SHB: variants seen among roughly 807,000 people sequenced by gnomAD.
SHB encodes SH2 domain containing adaptor protein B.
Under a neutral mutation model 52.3 loss-of-function variants are expected in SHB, and 20 were observed. The observed-to-expected ratio is 0.38, with a 90% confidence interval of 0.27 to 0.56. The LOEUF is 0.56. Among genes scored for constraint, SHB ranks in the 20% least tolerant of loss-of-function variants. The pLI is 0.71. For missense variants in SHB, 825 were observed against 723.3 expected, an observed-to-expected ratio of 1.14 and a Z score of -1.61; for synonymous variants, 397 against 316.5, an observed-to-expected ratio of 1.25 and a Z score of -2.70.
At chr9:37,949,250 G>A (rs759482394) in intron 4 of SHB, among the ~76,000 whole-genome samples, 12 of 151,912 alleles carry the variant, frequency 7.9e-5, no homozygotes, top group South Asian at 2.1e-4. Flanking sequence ...AAAATTAGCC[G>A]GGCGTGGTGG....
chr9:37,984,863 G>A (rs1246214029), intron 2 of SHB, among the ~76,000 whole-genome samples: 1 of 152,140 alleles, frequency 6.6e-6, no homozygotes, highest in East Asian at 1.9e-4. Context: ...GAATTCAGGG[G>A]TCCCTCAGAG....
At chr9:38,038,690 A>C (rs1260944226) in intron 1 of SHB, among the ~76,000 whole-genome samples, 1 of 152,174 alleles carries the variant, frequency 6.6e-6, no homozygotes, top group Non-Finnish European at 1.5e-5. Context: ...CCCAGGACAC[A>C]GGGATGCAGC....
At chr9:38,034,652 C>T (rs1011008940) in intron 1 of SHB, among the ~76,000 whole-genome samples, 2 of 152,242 alleles carry the variant, frequency 1.3e-5, no homozygotes, top group East Asian at 1.9e-4. Flanking sequence ...ATGCCCCCAA[C>T]AGATACCCCT....
intron 2 of SHB, among the ~76,000 whole-genome samples, chr9:37,991,913 C>A (rs931769007): frequency 1.3e-5 from 2 of 152,182 alleles, no homozygotes; most frequent in African/African-American, 4.8e-5. Flanking sequence ...ACAGGCAGCA[C>A]CACGACAGGT....
chr9:37,986,437 G>C (rs1389782243), intron 2 of SHB, among the ~76,000 whole-genome samples: 3 of 152,156 alleles, frequency 2.0e-5, no homozygotes, highest in Non-Finnish European at 4.4e-5. Context: ...TGGGATGCCA[G>C]GACTAGGGGT....
At position 37,916,028 on chromosome 9, in the gene SHB, T is replaced by C. The variant is rs1284756209; in HGVS notation, c.*3793A>G. Among the ~76,000 whole-genome samples the C allele has an allele frequency of 1.3e-5, 2 of 152,216 alleles. No homozygotes were observed. The highest frequency in any genetic ancestry group is 2.9e-5 in the Non-Finnish European group (2 of 68,036). On this transcript the variant is annotated 3_prime_UTR_variant, in exon 6 of 6. Coordinates refer to ENST00000377707, the MANE Select transcript of SHB (RefSeq NM_003028.3). ...GCTGGTTTAAGGCTCCTGGCAGGGA[T>C]GCAAACAGCCCCAAGGAGGGAGGTG...
intron 1 of SHB, among the ~76,000 whole-genome samples, chr9:38,064,300 T>C (rs1199441365): frequency 1.3e-5 from 2 of 152,180 alleles, no homozygotes; most frequent in African/African-American, 4.8e-5. Context: ...ATCCCTTCCC[T>C]GGCTCAACAA....
intron 3 of SHB, among the ~76,000 whole-genome samples, chr9:37,956,357 G>C (rs1587211221): frequency 6.6e-6 from 1 of 152,190 alleles, no homozygotes; most frequent in South Asian, 2.1e-4. Context: ...CTGCCTTCGG[G>C]GGGCACTGCC....
chr9:37,940,762 T>A (rs1435393770), intron 5 of SHB, among the ~76,000 whole-genome samples: 1 of 152,202 alleles, frequency 6.6e-6, no homozygotes, highest in Non-Finnish European at 1.5e-5. Context: ...TTCTGTTCCC[T>A]AAACCCCAAG....
intron 2 of SHB, among the ~76,000 whole-genome samples, chr9:37,978,251 T>C (rs1208693886): frequency 9.9e-5 from 15 of 152,224 alleles, no homozygotes; most frequent in Admixed American, 9.8e-4. Flanking sequence ...GACTTGTGCA[T>C]ACACCTCTCA....
chr9:38,068,398 G>A lies in SHB; in HGVS notation c.248C>T (p.Ala83Val), dbSNP rs762054835. ...DSGSTSDLIRAYRAQKERDFE... is the reference protein window; with the variant it reads ...DSGSTSDLIRVYRAQKERDFE... ...GTCTCGCTCCTTCTGCGCGCGGTAGGCGCGGATGAGGTCGCTGGTGCTGCC... is the reference window on the plus strand; with the variant it reads ...GTCTCGCTCCTTCTGCGCGCGGTAGACGCGGATGAGGTCGCTGGTGCTGCC... Residue 83 changes from alanine (A) to valine (V), a missense_variant, in exon 1 of 6, where the codon GCC (alanine) becomes GTC (valine). Coordinates refer to ENST00000377707, the MANE Select transcript of SHB (RefSeq NM_003028.3). 3.8e-6 allele frequency: 6 copies of A among 1,574,914 alleles called. No individual in the cohort carries two copies. The highest frequency in any genetic ancestry group is 4.3e-6 in the Non-Finnish European group (5 of 1,164,234).
chr9:37,996,349 G>A (rs1013256753), intron 2 of SHB, among the ~76,000 whole-genome samples: 1 of 152,258 alleles, frequency 6.6e-6, no homozygotes, highest in Non-Finnish European at 1.5e-5. Context: ...GTTGAAGCCT[G>A]CTCAACAGGG....
intron 1 of SHB, among the ~76,000 whole-genome samples, chr9:38,036,396 C>G (rs1300049324): frequency 6.6e-6 from 1 of 152,232 alleles, no homozygotes; most frequent in Non-Finnish European, 1.5e-5. Context: ...TCAGTCCTAA[C>G]AAGCGCAGCC....
At chr9:37,964,324 C>G (rs1312877574) in intron 3 of SHB, among the ~76,000 whole-genome samples, 1 of 152,154 alleles carries the variant, frequency 6.6e-6, no homozygotes. Flanking sequence ...CCAGGAACGC[C>G]GTACACACAT....
intron 1 of SHB, among the ~76,000 whole-genome samples, chr9:38,047,993 C>T (rs1219199611): frequency 6.6e-6 from 1 of 152,172 alleles, no homozygotes; most frequent in African/African-American, 2.4e-5. Flanking sequence ...TGATCCTCAT[C>T]GCCAGCATTC....
At chr9:37,977,127 G>A (rs969790135) in intron 2 of SHB, among the ~76,000 whole-genome samples, 32 of 151,906 alleles carry the variant, frequency 2.1e-4, no homozygotes, top group Admixed American at 1.9e-3. Context: ...TATTTATCTC[G>A]CCTCACTTTT....
chr9:37,950,791 C>T (rs967982816), intron 4 of SHB, among the ~76,000 whole-genome samples: 2 of 152,178 alleles, frequency 1.3e-5, no homozygotes, highest in Non-Finnish European at 2.9e-5. Context: ...TGATGTGGGG[C>T]GAGTCTTAAC....
chr9:37,937,006 T>A (rs974526433), intron 5 of SHB, among the ~76,000 whole-genome samples: 1 of 152,250 alleles, frequency 6.6e-6, no homozygotes, highest in Non-Finnish European at 1.5e-5. Context: ...TCTTAACATC[T>A]GAAGTCCTCC....
intron 1 of SHB, among the ~76,000 whole-genome samples, chr9:38,067,317 G>T (rs781189237): frequency 5.3e-5 from 8 of 152,162 alleles, no homozygotes; most frequent in Non-Finnish European, 1.2e-4. Flanking sequence ...TGCAGGCAGC[G>T]CATTTCAACC....
Sources: gnomAD v4.1 joint callset for allele counts (sites outside exome capture counted in the v4.1 genomes callset) on GRCh38, gnomAD v4.1.1 for gene constraint, MANE v1.5 for transcripts, NCBI Gene and HGNC (gene_info 2026-07-23, HGNC 2026-07-21) for gene names.